The following CMTR2 variants were observed in gnomAD, a reference collection of about 807,000 sequenced individuals.
CMTR2 encodes the protein cap-specific mRNA (nucleoside-2'-O-)-methyltransferase 2.
In CMTR2, 40 loss-of-function variants were observed where a neutral mutation model predicts 49.8. The observed-to-expected ratio is 0.80, with a 90% CI of 0.62 to 1.04. The LOEUF (loss-of-function observed/expected upper bound fraction) is 1.04. Ranked by LOEUF, CMTR2 falls within the 50% of genes least tolerant of loss-of-function variation. The pLI, the probability that CMTR2 is intolerant of heterozygous loss-of-function variation, is 0.00. For missense variants in CMTR2, 907 were observed against 897.2 expected, an observed-to-expected ratio of 1.01 and a Z score of -0.14; for synonymous variants, 326 against 315.8, an observed-to-expected ratio of 1.03 and a Z score of -0.34.
rs900414349 is a variant in CMTR2 at position 71,282,542 on chromosome 16, G to A, written c.*1066C>T. ...AACTCATTACACTGCAAATACAGAA[G>A]AAATAAAATAACTCATTACATTGCA... On this transcript the variant is annotated 3_prime_UTR_variant, in exon 3 of 3. Coordinates refer to ENST00000434935, the MANE Select transcript of CMTR2 (RefSeq NM_018348.6). 6.6e-5 allele frequency: 10 copies of A among 151,784 alleles called. No homozygotes were observed. The highest frequency in any genetic ancestry group is 1.5e-4 in the Non-Finnish European group (10 of 67,876). 9.4% of individuals were successfully genotyped at this position (151,784 alleles called of 1,614,324 possible). A position where few individuals can be genotyped will look rare whatever the true frequency, so the allele number is the denominator to read the frequency against.
chr16:71,284,054 G>C lies in CMTR2; in HGVS notation c.1867C>G (p.Gln623Glu), dbSNP rs1396276341. 2.5e-6 allele frequency: 4 copies of C among 1,613,866 alleles called. No individual in the cohort carries two copies. The Admixed American group carries it at 6.7e-5, about 27-fold the overall frequency. Residue 623 changes from glutamine (Q) to glutamate (E), a missense_variant, in exon 3 of 3, where the codon CAG (glutamine) becomes GAG (glutamate). By Grantham distance (29) the Gln-to-Glu change is conservative. Coordinates refer to ENST00000434935, the MANE Select transcript of CMTR2 (RefSeq NM_018348.6). ...AGAAGGCAGTCCAAAAATAAACGCTGGTAAGTTGGATCTCCATCATGAAGC... is the reference window on the plus strand; with the variant it reads ...AGAAGGCAGTCCAAAAATAAACGCTCGTAAGTTGGATCTCCATCATGAAGC... Reference protein sequence around the residue: ...SLLHDGDPTYQRLFLDCLLHS... With the variant: ...SLLHDGDPTYERLFLDCLLHS...
At position 71,284,794 on chromosome 16, in the gene CMTR2, G is replaced by T; in HGVS notation, c.1127C>A (p.Ser376Tyr). ...GCACTCAAATAGACGAATGTTTTCA[G>T]AAATAGTCTCTAGCTGATATTTATG... ...FFHKYQLETI[S>Y]ENIRLFECMG... is the part of the protein sequence containing the mutation. The change falls in exon 3 of 3, where the codon TCT becomes TAT. Residue 376 changes from serine (S) to tyrosine (Y), a missense_variant. Ser to Tyr is a moderately radical substitution (Grantham distance 144, BLOSUM62 -2). Coordinates refer to ENST00000434935, the MANE Select transcript of CMTR2 (RefSeq NM_018348.6). 6.2e-7 allele frequency: 1 copy of T among 1,613,768 alleles called. No individual in the cohort carries two copies. The highest frequency in any genetic ancestry group is 2.2e-5 in the East Asian group (1 of 44,864).
At chr16:71,287,991 T>C (rs573521633) in intron 2 of CMTR2, 1 of 152,382 alleles carries the variant, frequency 6.6e-6, no homozygotes, top group South Asian at 2.1e-4. Flanking sequence ...GTAGTTAAGC[T>C]GTGAAACCTT....
At chr16:71,287,940 G>C (rs919361949) in intron 2 of CMTR2, 1 of 152,158 alleles carries the variant, frequency 6.6e-6, no homozygotes, top group Non-Finnish European at 1.5e-5. Flanking sequence ...TTCGGAAAAA[G>C]TCTAATTTTA....
chr16:71,283,736 C>A lies in CMTR2; in HGVS notation c.2185G>T (p.Val729Leu), dbSNP rs1398386821. Residue 729 changes from valine to leucine, a missense_variant, in exon 3 of 3, where the codon GTA becomes TTA. Coordinates refer to ENST00000434935, the MANE Select transcript of CMTR2 (RefSeq NM_018348.6). ...TCAAGCAGGGCCCCCTTAAGGAGTA[C>A]CTCCATTGGCACAAACTGTAAAACC... Reference protein sequence around the residue: ...QQVLQFVPMEVLLKGALLDFL... With the variant: ...QQVLQFVPMELLLKGALLDFL... The A allele has an allele frequency of 8.7e-6, 14 of 1,613,970 alleles. No individual in the cohort carries two copies. The highest frequency in any genetic ancestry group is 1.2e-5 in the Non-Finnish European group (14 of 1,179,922).
At position 71,283,907 on chromosome 16, in the gene CMTR2, C is replaced by A; in HGVS notation, c.2014G>T (p.Val672Phe). The change falls in exon 3 of 3, where the codon GTT (valine) becomes TTT (phenylalanine). Residue 672 changes from valine to phenylalanine, a missense_variant. Transcript: ENST00000434935. ...AGGGGATCAGAGGATGTGGGACAAA[C>A]AAAAGTGATGAATCTAAAACAACTG... is the stretch of plus-strand genomic sequence containing the variant. Reference protein sequence around the residue: ...LHSCFRFITFVCPTSSDPLRT... With the variant: ...LHSCFRFITFFCPTSSDPLRT... 5 of 1,613,974 alleles carry A rather than the reference C, an allele frequency of 3.1e-6. No homozygotes were observed. Among genetic ancestry groups the A allele is most frequent in the Non-Finnish European group, 4.2e-6 (5 of 1,179,916 alleles).
At chr16:71,286,468 T>G (rs2144853394) in intron 2 of CMTR2, 1 of 151,662 alleles carries the variant, frequency 6.6e-6, no homozygotes, top group African/African-American at 2.4e-5. Flanking sequence ...TTAGTTCCCG[T>G]CATACTTTAC....
Position 71,284,398 on chromosome 16 carries a change from G to C in CMTR2, c.1523C>G (p.Ser508Cys). 1.2e-6 allele frequency: 2 copies of C among 1,613,780 alleles called. No individual in the cohort carries two copies. Among genetic ancestry groups the C allele is most frequent in the Non-Finnish European group, 1.7e-6 (2 of 1,179,926 alleles). Residue 508 changes from serine (S) to cysteine (C), a missense_variant, in exon 3 of 3, where the codon TCT (serine) becomes TGT (cysteine). Coordinates refer to ENST00000434935, the MANE Select transcript of CMTR2 (RefSeq NM_018348.6). ...TAAAATTTCACCATTGCAAAAAGGA[G>C]AACATTTTACCTTTGGCAGTTTCTT... ...EGKKLPKVKC[S>C]PFCNGEILKT...
chr16:71,284,451 C>T lies in CMTR2; in HGVS notation c.1470G>A (p.Glu490=). ...CCTCCAAAATATGCCATAAGTGACA[C>T]TCAAGATTGGAAGCTGTTCCTTCTA... ...SILEGTASNL[E]CHLWHILEGK... is the part of the protein sequence containing the mutation. Residue 490 remains glutamate, a synonymous_variant, in exon 3 of 3, where the codon GAG becomes GAA. Coordinates refer to ENST00000434935, the MANE Select transcript of CMTR2 (RefSeq NM_018348.6). 6.2e-7 allele frequency: 1 copy of T among 1,613,980 alleles called. No individual in the cohort carries two copies. Among genetic ancestry groups the T allele is most frequent in the Non-Finnish European group, 8.5e-7 (1 of 1,179,964 alleles).
At chr16:71,288,038 A>G (rs2041759947) in intron 2 of CMTR2, 1 of 152,228 alleles carries the variant, frequency 6.6e-6, no homozygotes, top group Non-Finnish European at 1.5e-5. Flanking sequence ...ACATGAGGAC[A>G]ACTTAAGTGA....
At position 71,284,720 on chromosome 16, in the gene CMTR2, T is replaced by C. The variant is rs750843078; in HGVS notation, c.1201A>G (p.Ile401Val). The part of the protein sequence containing the change: ...EKLNNLRDCA[I>V]QYFMQKFQLK... ...TGAAATTTTTGCATAAAATATTGTA[T>C]AGCACAATCCCTTAAATTATTCAGC... is the stretch of plus-strand genomic sequence containing the variant. The change falls in exon 3 of 3, where the codon ATA becomes GTA. Residue 401 changes from isoleucine (I) to valine (V), a missense_variant. By Grantham distance (29) the Ile-to-Val change is conservative (BLOSUM62 3). Coordinates refer to ENST00000434935, the MANE Select transcript of CMTR2 (RefSeq NM_018348.6). The C allele has an allele frequency of 1.9e-5, 30 of 1,613,482 alleles. No homozygotes were observed. The Admixed American group carries it at 4.7e-4, about 25-fold the overall frequency.
At position 71,282,509 on chromosome 16, in the gene CMTR2, G is replaced by A. The variant is rs1241051808; in HGVS notation, c.*1099C>T. The stretch of plus-strand genomic sequence containing the variant: ...AATGAAAAATTGCTTAATACACTTT[G>A]CCACAAAAACTCATTACACTGCAAA... On this transcript the variant is annotated 3_prime_UTR_variant, in exon 3 of 3. Transcript: ENST00000434935. The A allele has an allele frequency of 6.6e-6, 1 of 151,910 alleles. No homozygotes were observed. The highest frequency in any genetic ancestry group is 1.5e-5 in the Non-Finnish European group (1 of 67,930). The allele number at this position is 151,910 out of a possible 1,614,324, so 9.4% of individuals were successfully genotyped here. A position where few individuals can be genotyped will look rare whatever the true frequency, so the allele number is the denominator to read the frequency against.
chr16:71,283,406 A>T lies in CMTR2; in HGVS notation c.*202T>A. 3.4e-6 allele frequency: 2 copies of T among 593,124 alleles called. No individual in the cohort carries two copies. The highest frequency in any genetic ancestry group is 4.5e-5 in the South Asian group (2 of 44,228). 36.7% of individuals were successfully genotyped at this position (593,124 alleles called of 1,614,324 possible). On this transcript the variant is annotated 3_prime_UTR_variant, in exon 3 of 3. Transcript: ENST00000434935. Reference sequence around the variant, plus strand: ...GAATATCTATCATTGCATAGATTCCACCACGTGGAAGAGCTCTATGCCTGT... The same window carrying T: ...GAATATCTATCATTGCATAGATTCCTCCACGTGGAAGAGCTCTATGCCTGT...
Position 71,289,186 on chromosome 16 carries a change from T to C in CMTR2, c.-130A>G. Reference sequence around the variant, plus strand: ...AGTGTCTGGAGAGGCTGCACTTTACTCTCTCGAGGAAGCCATTCTGCACTT... The same window carrying C: ...AGTGTCTGGAGAGGCTGCACTTTACCCTCTCGAGGAAGCCATTCTGCACTT... On this transcript the variant is annotated 5_prime_UTR_variant, in exon 1 of 3. Transcript: ENST00000434935. 1 of 152,130 alleles carries C rather than the reference T, an allele frequency of 6.6e-6. No homozygotes were observed. 9.4% of individuals were successfully genotyped at this position (152,130 alleles called of 1,614,324 possible). A position where few individuals can be genotyped will look rare whatever the true frequency, so the allele number is the denominator to read the frequency against.
rs1477638147 is a variant in CMTR2 at position 71,283,817 on chromosome 16, AAT to A, written c.2102_2103del (p.Tyr701PhefsTer6). On this transcript the variant is annotated frameshift_variant, in exon 3 of 3. Transcript: ENST00000434935. LOFTEE classifies it high-confidence loss of function. ...YQDLPNPVFR[Y>X]LQSVNELLST... is the part of the protein sequence containing the mutation. The stretch of plus-strand genomic sequence containing the variant: ...CTCAACAATTCATTCACACTCTGCA[AAT>A]ATCGGAAAACTGGATTTGGAAGGTC... The A allele has an allele frequency of 6.2e-7, 1 of 1,613,966 alleles. No homozygotes were observed. The highest frequency in any genetic ancestry group is 8.5e-7 in the Non-Finnish European group (1 of 1,179,948).
Position 71,283,438 on chromosome 16 carries a change from A to G in CMTR2, c.*170T>C. The G allele has an allele frequency of 1.4e-6, 1 of 720,240 alleles. No individual in the cohort carries two copies. The highest frequency in any genetic ancestry group is 2.3e-6 in the Non-Finnish European group (1 of 442,780). The allele number at this position is 720,240 out of a possible 1,614,324, so 44.6% of individuals were successfully genotyped here. On this transcript the variant is annotated 3_prime_UTR_variant, in exon 3 of 3. Transcript: ENST00000434935. ...GGAAGAGCTCTATGCCTGTGGGTGT[A>G]TATACCCTAGAGATCAGAATGGATG...
rs928423226 is a variant in CMTR2 at position 71,289,194 on chromosome 16, G to A, written c.-138C>T. On this transcript the variant is annotated 5_prime_UTR_variant, in exon 1 of 3. Transcript: ENST00000434935. ...GAGAGGCTGCACTTTACTCTCTCGA[G>A]GAAGCCATTCTGCACTTCCGCTCTC... 6.6e-6 allele frequency: 1 copy of A among 152,332 alleles called. No homozygotes were observed. Among genetic ancestry groups the A allele is most frequent in the African/African-American group, 2.4e-5 (1 of 41,460 alleles). The allele number at this position is 152,332 out of a possible 1,614,324, so 9.4% of individuals were successfully genotyped here.
At position 71,284,880 on chromosome 16, in the gene CMTR2, A is replaced by C; in HGVS notation, c.1041T>G (p.Phe347Leu). 2 of 1,613,954 alleles carry C rather than the reference A, an allele frequency of 1.2e-6. No homozygotes were observed. The highest frequency in any genetic ancestry group is 1.7e-6 in the Non-Finnish European group (2 of 1,179,926). The change falls in exon 3 of 3, where the codon TTT (phenylalanine) becomes TTG (leucine). Residue 347 changes from phenylalanine to leucine, a missense_variant. Phe to Leu is a conservative substitution (Grantham distance 22). Transcript: ENST00000434935. Reference sequence around the variant, plus strand: ...AAGAATCAGGAATCACATGATGGGGAAAAAGGGCTTTCCTTTTCATTTCAG... The same window carrying C: ...AAGAATCAGGAATCACATGATGGGGCAAAAGGGCTTTCCTTTTCATTTCAG... ...FGTEMKRKAL[F>L]PHHVIPDSFL...
In CMTR2 at chr16:71,284,113, T is replaced by C. The variant is rs201948334; in HGVS notation, c.1808A>G (p.Glu603Gly). The change falls in exon 3 of 3, where the codon GAA (glutamate) becomes GGA (glycine). Residue 603 changes from glutamate (E) to glycine (G), a missense_variant. Physicochemically the swap from Glu to Gly is moderately conservative, Grantham distance 98. Transcript: ENST00000434935. ...GCTAAAAGTTGTGAGTTCAGCTGAT[T>C]CTAGGAGTCGAACTTCCAACGGTAT... ...MHIPLEVRLL[E>G]SAELTTFSCS... 3 of 1,614,052 alleles carry C rather than the reference T, an allele frequency of 1.9e-6. No individual in the cohort carries two copies.
Sources: allele counts gnomAD v4.1 joint callset, GRCh38; gene constraint gnomAD v4.1.1; transcripts MANE v1.5; gene names NCBI Gene and HGNC (gene_info 2026-07-23, HGNC 2026-07-21).